Variants in CDH13 observed in about 807,000 individuals in gnomAD.
CDH13 encodes cadherin 13, also known as cadherin-13.
A neutral mutation model predicts 63.8 loss-of-function variants in CDH13; 24 were observed. The ratio of observed to expected loss-of-function variants is 0.38; its 90% CI spans 0.27 to 0.53. The LOEUF (loss-of-function observed/expected upper bound fraction) is 0.53. Ranked by LOEUF, CDH13 falls within the 20% of genes least tolerant of loss-of-function variation. The probability of loss-of-function intolerance (pLI) is 0.85; values close to 1 mark genes in which losing one functional copy is unlikely to be tolerated. For synonymous variants in CDH13, 503 were observed against 355.3 expected, an observed-to-expected ratio of 1.42 and a Z score of -4.67; for missense variants, 1,049 against 903.1, an observed-to-expected ratio of 1.16 and a Z score of -2.07.
At chr16:83,304,405 G>C (rs1325690881) in intron 5 of CDH13, among the ~76,000 whole-genome samples, 1 of 152,126 alleles carries the variant, frequency 6.6e-6, no homozygotes, top group African/African-American at 2.4e-5. Flanking sequence ...GGGTGGGTTG[G>C]GGAATGAGAA....
At chr16:83,304,627 T>A (rs1307233434) in intron 5 of CDH13, among the ~76,000 whole-genome samples, 1 of 152,194 alleles carries the variant, frequency 6.6e-6, no homozygotes, top group Non-Finnish European at 1.5e-5. Context: ...ATTGTTTTAA[T>A]AAATGCCCAT....
At chr16:83,031,278 A>C (rs534978929) in intron 2 of CDH13, among the ~76,000 whole-genome samples, 1 of 145,614 alleles carries the variant, frequency 6.9e-6, no homozygotes, top group Non-Finnish European at 1.5e-5. Flanking sequence ...GCGCATGTAT[A>C]CACCATATAC....
At chr16:83,191,486 TATGCAC>T (rs60280386) in intron 4 of CDH13, among the ~76,000 whole-genome samples, 1 of 107,058 alleles carries the variant, frequency 9.3e-6, no homozygotes, top group African/African-American at 3.7e-5. Context: ...TATATATATA[TATGCAC>T]ATATATATAT....
intron 8 of CDH13, among the ~76,000 whole-genome samples, chr16:83,647,995 C>A (rs145028172): frequency 6.6e-6 from 1 of 152,152 alleles, no homozygotes; most frequent in South Asian, 2.1e-4. Flanking sequence ...AGCATTATCC[C>A]AGTTCTTCGC....
intron 1 of CDH13, among the ~76,000 whole-genome samples, chr16:82,779,360 A>G (rs1252685150): frequency 1.3e-5 from 2 of 152,180 alleles, no homozygotes; most frequent in Non-Finnish European, 2.9e-5. Flanking sequence ...CCAGCCAGAA[A>G]GAGCAGAGGC....
intron 1 of CDH13, among the ~76,000 whole-genome samples, chr16:82,737,531 C>G (rs747526629): frequency 4.6e-5 from 7 of 152,208 alleles, no homozygotes; most frequent in Admixed American, 6.5e-5. Flanking sequence ...ATCTCAATAT[C>G]AACCACTGCC....
intron 10 of CDH13, among the ~76,000 whole-genome samples, chr16:83,687,136 C>G (rs1904382225): frequency 6.6e-6 from 1 of 152,050 alleles, no homozygotes; most frequent in African/African-American, 2.4e-5. Flanking sequence ...TCACTTGAAC[C>G]TGGGAGGTGG....
intron 2 of CDH13, among the ~76,000 whole-genome samples, chr16:82,969,580 A>AT (rs1567705134): frequency 2.0e-5 from 3 of 151,594 alleles, no homozygotes; most frequent in Non-Finnish European, 4.4e-5. Flanking sequence ...AATATTGACA[A>AT]TTTGAACTAG....
chr16:83,532,082 G>C (rs769244498), intron 7 of CDH13, among the ~76,000 whole-genome samples: 1 of 152,132 alleles, frequency 6.6e-6, no homozygotes, highest in Non-Finnish European at 1.5e-5. Context: ...TTATAAAGGG[G>C]AGTTTCCTTG....
chr16:83,486,754 T>C, intron 7 of CDH13, 99 bp downstream of exon 7: 1 of 1,084,880 alleles, frequency 9.2e-7, no homozygotes, highest in Non-Finnish European at 1.4e-6. Flanking sequence ...TTTTTAATAC[T>C]GTAAAGGCAG....
intron 7 of CDH13, among the ~76,000 whole-genome samples, chr16:83,545,526 C>T (rs1017151190): frequency 4.6e-5 from 7 of 152,168 alleles, no homozygotes; most frequent in African/African-American, 1.7e-4. Flanking sequence ...TGGACAAGGC[C>T]TTCATGGCTG....
intron 7 of CDH13, among the ~76,000 whole-genome samples, chr16:83,496,211 A>C (rs918186230): frequency 6.6e-6 from 1 of 151,692 alleles, no homozygotes; most frequent in African/African-American, 2.4e-5. Flanking sequence ...AGTCAATCCT[A>C]AGCCAAAAGA....
intron 5 of CDH13, among the ~76,000 whole-genome samples, chr16:83,339,630 T>C (rs575981842): frequency 6.6e-6 from 1 of 152,212 alleles, no homozygotes; most frequent in East Asian, 1.9e-4. Context: ...CAGGATTCAG[T>C]ATCAGGTCTC....
intron 4 of CDH13, among the ~76,000 whole-genome samples, chr16:83,165,926 C>A (rs1221183413): frequency 6.6e-6 from 1 of 152,058 alleles, no homozygotes; most frequent in Non-Finnish European, 1.5e-5. Context: ...CTGGAATCAA[C>A]AGTGGTGGGA....
At chr16:83,001,772 C>T (rs992513850) in intron 2 of CDH13, among the ~76,000 whole-genome samples, 10 of 152,180 alleles carry the variant, frequency 6.6e-5, no homozygotes, top group African/African-American at 2.4e-4. Context: ...TCAATGAGTC[C>T]TGTCCAGGTG....
At chr16:83,549,550 T>A (rs764552220) in intron 7 of CDH13, among the ~76,000 whole-genome samples, 1 of 151,888 alleles carries the variant, frequency 6.6e-6, no homozygotes, top group Non-Finnish European at 1.5e-5. Context: ...CAGTCTGGCT[T>A]ATGATCATAT....
rs957032259 is a variant in CDH13, at chr16:83,441,452, G to A, written c.782-45025G>A. 3.3e-5 allele frequency among the ~76,000 whole-genome samples: 5 copies of A among 152,174 alleles called. No individual in the cohort carries two copies. In the East Asian group the frequency reaches 9.6e-4, roughly 29 times the overall value. ...CCAAATATTAACAGTGACTTTCCCC[G>A]ATTGGTAGAATTAGGGATGGTTTTA... On this transcript the variant is annotated intron_variant, in intron 6 of 13. Coordinates refer to ENST00000567109, the MANE Select transcript of CDH13 (RefSeq NM_001257.5).
At chr16:82,926,632 G>T (rs2042311279) in intron 2 of CDH13, among the ~76,000 whole-genome samples, 1 of 152,182 alleles carries the variant, frequency 6.6e-6, no homozygotes, top group Non-Finnish European at 1.5e-5. Context: ...ACAAGCTCTA[G>T]GTACAAAAGC....
intron 5 of CDH13, among the ~76,000 whole-genome samples, chr16:83,279,810 C>G (rs1479657208): frequency 1.3e-5 from 2 of 150,704 alleles, no homozygotes; most frequent in East Asian, 1.9e-4. Context: ...CCACCACAAT[C>G]AAAGGAATAT....
Sources: gnomAD v4.1 joint callset for allele counts (sites outside exome capture counted in the v4.1 genomes callset) on GRCh38, gnomAD v4.1.1 for gene constraint, MANE v1.5 for transcripts, NCBI Gene and HGNC (gene_info 2026-07-23, HGNC 2026-07-21) for gene names.